GRID2: variants seen among roughly 807,000 people sequenced by gnomAD.
The protein encoded by GRID2 is glutamate receptor ionotropic, delta-2.
GRID2 carries 33 observed loss-of-function variants against 114.8 expected under a neutral mutation model. The ratio of observed to expected loss-of-function variants is 0.29; its 90% CI spans 0.22 to 0.38. GRID2 has a LOEUF of 0.38. Ranked by LOEUF, GRID2 falls within the 10% of genes least tolerant of loss-of-function variation. The pLI, the probability that GRID2 is intolerant of heterozygous loss-of-function variation, is 1.00. For missense variants in GRID2, 1,184 were observed against 1,257.7 expected, an observed-to-expected ratio of 0.94 and a Z score of 0.89; for synonymous variants, 505 against 449.9, an observed-to-expected ratio of 1.12 and a Z score of -1.55.
At chr4:93,311,342 C>G (rs148415890) in intron 8 of GRID2, among the ~76,000 whole-genome samples, 1 of 152,238 alleles carries the variant, frequency 6.6e-6, no homozygotes, top group African/African-American at 2.4e-5. Context: ...CAGTGGCTGT[C>G]TTGAATAATG....
chr4:92,786,135 C>T lies in GRID2; in HGVS notation c.244+195849C>T, dbSNP rs189712870. ...TTTATTCCTGTGTCTTGAATTCATG[C>T]TTTTCTTTTAACCTTGCCTAAAACT... On this transcript the variant is annotated intron_variant, in intron 2 of 15. Coordinates refer to ENST00000282020, the MANE Select transcript of GRID2 (RefSeq NM_001510.4). 2.6e-3 allele frequency among the ~76,000 whole-genome samples: 392 copies of T among 151,924 alleles called. 2 individuals are homozygous for T. The highest frequency in any genetic ancestry group is 9.1e-3 in the African/African-American group (379 of 41,522).
At chr4:93,120,901 C>T (rs1733723656) in intron 4 of GRID2, among the ~76,000 whole-genome samples, 2 of 151,892 alleles carry the variant, frequency 1.3e-5, no homozygotes, top group South Asian at 2.1e-4. Flanking sequence ...TGTAGTGAGC[C>T]GAGATTGCGC....
chr4:92,922,535 T>G (rs1749451419), intron 2 of GRID2, among the ~76,000 whole-genome samples: 1 of 152,138 alleles, frequency 6.6e-6, no homozygotes, highest in Non-Finnish European at 1.5e-5. Context: ...AATGTAAAAA[T>G]GAACTGCTCT....
chr4:92,576,155 G>T (rs1034015392), intron 1 of GRID2, among the ~76,000 whole-genome samples: 4 of 152,182 alleles, frequency 2.6e-5, no homozygotes, highest in Admixed American at 1.3e-4. Flanking sequence ...GTGCAGGCAG[G>T]CATGGCTGGA....
chr4:93,706,430 C>A (rs1351866023), intron 14 of GRID2, among the ~76,000 whole-genome samples: 3 of 151,994 alleles, frequency 2.0e-5, no homozygotes, highest in African/African-American at 7.2e-5. Flanking sequence ...AGATCTTTCA[C>A]TTCTTTGATT....
intron 2 of GRID2, among the ~76,000 whole-genome samples, chr4:92,600,311 G>A (rs1729166135): frequency 6.6e-6 from 1 of 151,652 alleles, no homozygotes; most frequent in African/African-American, 2.4e-5. Context: ...GAGGGCTCAG[G>A]TGAGAGAGGG....
At chr4:93,529,607 C>G (rs1731251339) in intron 13 of GRID2, among the ~76,000 whole-genome samples, 1 of 152,072 alleles carries the variant, frequency 6.6e-6, no homozygotes, top group African/African-American at 2.4e-5. Context: ...ATTTAGGAAC[C>G]CAGGGCTTCG....
At chr4:92,777,838 T>C (rs985714090) in intron 2 of GRID2, among the ~76,000 whole-genome samples, 1 of 152,108 alleles carries the variant, frequency 6.6e-6, no homozygotes, top group Non-Finnish European at 1.5e-5. Flanking sequence ...ACCTTGACTT[T>C]GGACTTTCAG....
intron 13 of GRID2, among the ~76,000 whole-genome samples, chr4:93,622,436 C>A (rs1039964385): frequency 1.3e-5 from 2 of 152,128 alleles, no homozygotes; most frequent in African/African-American, 2.4e-5. Context: ...TGCATACTCC[C>A]AGGCCTTAAA....
intron 3 of GRID2, among the ~76,000 whole-genome samples, chr4:93,090,025 T>A (rs989042619): frequency 3.3e-5 from 5 of 152,126 alleles, no homozygotes; most frequent in African/African-American, 7.2e-5. Context: ...AAATGTGTAG[T>A]AACACAGGAG....
intron 14 of GRID2, among the ~76,000 whole-genome samples, chr4:93,768,960 G>T (rs919672435): frequency 6.6e-6 from 1 of 152,022 alleles, no homozygotes; most frequent in Admixed American, 6.6e-5. Context: ...AGGAAGAAAA[G>T]GAGAGAGGAA....
intron 13 of GRID2, among the ~76,000 whole-genome samples, chr4:93,560,950 T>C (rs1351048304): frequency 1.9e-5 from 1 of 53,374 alleles, no homozygotes; most frequent in Non-Finnish European, 3.7e-5. Context: ...ATATTTAATA[T>C]TTATTTGATA....
At chr4:92,687,889 A>G (rs1431145068) in intron 2 of GRID2, among the ~76,000 whole-genome samples, 1 of 151,836 alleles carries the variant, frequency 6.6e-6, no homozygotes, top group Non-Finnish European at 1.5e-5. Context: ...TCAGTAAGTC[A>G]GAATCTTTTT....
intron 1 of GRID2, among the ~76,000 whole-genome samples, chr4:92,483,561 AG>A (rs970066402): frequency 1.3e-5 from 2 of 152,182 alleles, no homozygotes; most frequent in African/African-American, 4.8e-5. Context: ...GGACGATCAA[AG>A]CTAGAGTAAA....
At chr4:92,394,829 A>G (rs761822859) in intron 1 of GRID2, among the ~76,000 whole-genome samples, 1 of 151,412 alleles carries the variant, frequency 6.6e-6, no homozygotes, top group Non-Finnish European at 1.5e-5. Flanking sequence ...TTTTTCCTAC[A>G]TAAGTTATTT....
intron 1 of GRID2, among the ~76,000 whole-genome samples, chr4:92,421,025 T>C (rs1350845139): frequency 6.6e-6 from 1 of 152,032 alleles, no homozygotes; most frequent in Non-Finnish European, 1.5e-5. Context: ...CTCTGTCAGT[T>C]ACTACACAAC....
chr4:92,332,498 A>G (rs1232309381), intron 1 of GRID2, among the ~76,000 whole-genome samples: 3 of 152,170 alleles, frequency 2.0e-5, no homozygotes, highest in Non-Finnish European at 1.5e-5. Flanking sequence ...GGTCCCCCAA[A>G]TTCACATCCT....
chr4:92,897,579 C>A (rs1747266702), intron 2 of GRID2, among the ~76,000 whole-genome samples: 2 of 152,140 alleles, frequency 1.3e-5, no homozygotes, highest in Non-Finnish European at 2.9e-5. Context: ...AGTTGCATTG[C>A]AGAATAGTTA....
intron 1 of GRID2, among the ~76,000 whole-genome samples, chr4:92,572,548 A>G (rs867964538): frequency 4.6e-5 from 7 of 152,168 alleles, no homozygotes; most frequent in Middle Eastern, 3.2e-3. Context: ...GGCCAGCATC[A>G]TCCTGATACC....
Sources: gnomAD v4.1 joint callset for allele counts (sites outside exome capture counted in the v4.1 genomes callset) on GRCh38, gnomAD v4.1.1 for gene constraint, MANE v1.5 for transcripts, NCBI Gene and HGNC (gene_info 2026-07-23, HGNC 2026-07-21) for gene names.